The following DNAH14 variants were observed in gnomAD, a reference collection of about 807,000 sequenced individuals.
DNAH14 encodes axonemal beta dynein heavy chain 14.
In DNAH14, 478 loss-of-function variants were observed where a neutral mutation model predicts 520.9. The observed-to-expected ratio is 0.92, with a 90% CI of 0.85 to 0.99. DNAH14 has a LOEUF of 0.99. Among genes scored for constraint, DNAH14 ranks in the 50% least tolerant of loss-of-function variants. DNAH14 has a pLI of 0.00. For synonymous variants in DNAH14, 1,581 were observed against 1,757.2 expected (o/e 0.90, Z 2.51); for missense variants, 4,831 against 5,234.5 (o/e 0.92, Z 2.38).
intron 23 of DNAH14, among the ~76,000 whole-genome samples, chr1:225,104,871 A>G (rs370819122): frequency 2.0e-5 from 3 of 151,588 alleles, no homozygotes; most frequent in East Asian, 1.9e-4. Flanking sequence ...AGGGTTTTTT[A>G]TGTCTCTATG....
intron 44 of DNAH14, among the ~76,000 whole-genome samples, chr1:225,253,670 C>A (rs539194255): frequency 6.6e-6 from 1 of 152,048 alleles, no homozygotes; most frequent in Non-Finnish European, 1.5e-5. Flanking sequence ...TCATTAATTT[C>A]TTTATTCATC....
At chr1:225,189,448 G>A (rs1474754681) in intron 37 of DNAH14, among the ~76,000 whole-genome samples, 1 of 149,704 alleles carries the variant, frequency 6.7e-6, no homozygotes, top group African/African-American at 2.4e-5. Context: ...AGTAGGATTG[G>A]TGTTAATTCT....
intron 10 of DNAH14, among the ~76,000 whole-genome samples, chr1:225,018,635 C>A (rs2065407070): frequency 1.3e-5 from 2 of 152,144 alleles, no homozygotes; most frequent in Admixed American, 6.6e-5. Flanking sequence ...AAGAAAAAAT[C>A]TTAAAGGGAG....
intron 61 of DNAH14, among the ~76,000 whole-genome samples, chr1:225,319,509 A>G (rs1372441057): frequency 6.6e-6 from 1 of 152,204 alleles, no homozygotes; most frequent in African/African-American, 2.4e-5. Flanking sequence ...AGCTTTTGTG[A>G]TAAGAAGAAT....
Position 225,144,757 on chromosome 1 carries a change from TCA to T in DNAH14, c.4740+132_4740+133del, listed in dbSNP as rs553426730. 237 of 713,846 alleles carry T rather than the reference TCA, an allele frequency of 3.3e-4. No individual in the cohort carries two copies. The African/African-American group carries it at 3.8e-3, about 12-fold the overall frequency. 44.2% of individuals were successfully genotyped at this position (713,846 alleles called of 1,614,324 possible). ...TGCATTAACAAGCACATTCATTAAC[TCA>T]CATATAATTAATTCATCAATGATGT... is the stretch of plus-strand genomic sequence containing the variant. On this transcript the variant is annotated intron_variant, in intron 29 of 85. Transcript: ENST00000682510.
At chr1:225,356,972 A>G (rs2095436175) in intron 73 of DNAH14, among the ~76,000 whole-genome samples, 1 of 152,170 alleles carries the variant, frequency 6.6e-6, no homozygotes. Flanking sequence ...TTGAGTGTAC[A>G]TATAGGAAAA....
chr1:225,185,744 ACTTCT>A (rs1038087303), intron 37 of DNAH14, among the ~76,000 whole-genome samples: 4 of 151,682 alleles, frequency 2.6e-5, no homozygotes, highest in Admixed American at 1.3e-4. Flanking sequence ...TATTTATATA[ACTTCT>A]CTTCTTAATG....
At chr1:225,175,809 G>A (rs1486244512) in intron 36 of DNAH14, among the ~76,000 whole-genome samples, 3 of 150,628 alleles carry the variant, frequency 2.0e-5, no homozygotes, top group South Asian at 4.2e-4. Flanking sequence ...AGTCTCACAG[G>A]ACCTGATGGT....
Position 225,192,679 on chromosome 1 carries a change from C to G in DNAH14, c.5671-17C>G, listed in dbSNP as rs1559243391. The G allele has an allele frequency of 6.6e-7, 1 of 1,516,654 alleles. No individual in the cohort carries two copies. The highest frequency in any genetic ancestry group is 2.5e-5 in the East Asian group (1 of 40,498). The allele number at this position is 1,516,654 out of a possible 1,614,324, so 93.9% of individuals were successfully genotyped here. A position where few individuals can be genotyped will look rare whatever the true frequency, so the allele number is the denominator to read the frequency against. On this transcript the variant is annotated splice_polypyrimidine_tract_variant and intron_variant, in intron 37 of 85. Coordinates refer to ENST00000682510, the MANE Select transcript of DNAH14 (RefSeq NM_001367479.1). ...CTATAGTTAATGTCTTTAAAAACTA[C>G]ACTGGATTTTTCCCAGATTTCAGAA...
intron 13 of DNAH14, 140 bp downstream of exon 13, chr1:225,043,254 A>G (rs1032844515): frequency 1.7e-5 from 5 of 294,918 alleles, no homozygotes; most frequent in South Asian, 5.0e-5. Flanking sequence ...ACACAGTGAG[A>G]CCTTGTCTCT....
At chr1:225,352,425 A>G (rs2095378068) in intron 72 of DNAH14, among the ~76,000 whole-genome samples, 1 of 152,182 alleles carries the variant, frequency 6.6e-6, no homozygotes, top group African/African-American at 2.4e-5. Context: ...CAATTATATT[A>G]TGCAATAACA....
intron 8 of DNAH14, among the ~76,000 whole-genome samples, chr1:224,993,968 G>A (rs2125778178): frequency 6.6e-6 from 1 of 151,904 alleles, no homozygotes; most frequent in South Asian, 2.1e-4. Context: ...GTTGTTTTGT[G>A]TCTATGTATT....
rs753909602 is a variant in DNAH14 at position 225,340,475 on chromosome 1, A to C, written c.10452A>C (p.Glu3484Asp). The change falls in exon 69 of 86, where the codon GAA (glutamate) becomes GAC (aspartate). Residue 3484 changes from glutamate (E) to aspartate (D), a missense_variant. Transcript: ENST00000682510. ...NSNFRLYLST[E>D]IDNPHFLPSV... The stretch of plus-strand genomic sequence containing the variant: ...TGTTCAGGTTATACTTATCTACAGA[A>C]ATAGACAACCCCCATTTTCTTCCAT... 6.4e-6 allele frequency: 10 copies of C among 1,550,874 alleles called. No homozygotes were observed. The highest frequency in any genetic ancestry group is 1.4e-5 in the African/African-American group (1 of 73,142).
At position 225,340,712 on chromosome 1, in the gene DNAH14, A is replaced by T. The variant is rs1558459033; in HGVS notation, c.10678+11A>T. The stretch of plus-strand genomic sequence containing the variant: ...TGCAGAAAGCACTAGGTAAGTCAAG[A>T]TATTTAGTGATAGTAAGAGATCTTT... On this transcript the variant is annotated intron_variant, in intron 69 of 85. Transcript: ENST00000682510. 6.5e-7 allele frequency: 1 copy of T among 1,548,680 alleles called. No individual in the cohort carries two copies. Among genetic ancestry groups the T allele is most frequent in the East Asian group, 2.5e-5 (1 of 40,796 alleles).
rs545145467 is a variant in DNAH14, at chr1:225,183,047, C to T, written c.5536-2244C>T. On this transcript the variant is annotated intron_variant, in intron 36 of 85. Coordinates refer to ENST00000682510, the MANE Select transcript of DNAH14 (RefSeq NM_001367479.1). ...ACTCTTTTCCCAGCTCCAGGCAGTGCGGTGTGAAGAGACTCCTTCCACTTA... is the reference window on the plus strand; with the variant it reads ...ACTCTTTTCCCAGCTCCAGGCAGTGTGGTGTGAAGAGACTCCTTCCACTTA... Among the ~76,000 whole-genome samples the T allele has an allele frequency of 2.4e-4, 35 of 147,498 alleles. No homozygotes were observed. In the South Asian group the frequency reaches 5.6e-3, roughly 24 times the overall value.
intron 8 of DNAH14, among the ~76,000 whole-genome samples, chr1:224,981,209 A>G (rs1417991989): frequency 6.6e-6 from 1 of 152,184 alleles, no homozygotes; most frequent in Non-Finnish European, 1.5e-5. Context: ...TAAAGATTCT[A>G]GCATCTCTGT....
intron 8 of DNAH14, among the ~76,000 whole-genome samples, chr1:224,982,516 T>G (rs938777336): frequency 1.3e-5 from 2 of 152,188 alleles, no homozygotes; most frequent in Admixed American, 6.5e-5. Flanking sequence ...GTTTCTCTAG[T>G]TCCTTGAGGC....
At chr1:224,935,299 A>G (rs60619295) in intron 1 of DNAH14, among the ~76,000 whole-genome samples, 7,278 of 152,008 alleles carry the variant, frequency 0.048, 507 homozygotes, top group African/African-American at 0.15. Flanking sequence ...GAATAGCTGA[A>G]TGGATTTTAA....
In DNAH14 at chr1:225,106,729, A is replaced by G. The variant is rs561889612; in HGVS notation, c.3867+5845A>G. 1.6e-4 allele frequency among the ~76,000 whole-genome samples: 24 copies of G among 152,252 alleles called. No homozygotes were observed. In the East Asian group the frequency reaches 4.4e-3, roughly 28 times the overall value. On this transcript the variant is annotated intron_variant, in intron 23 of 85. Coordinates refer to ENST00000682510, the MANE Select transcript of DNAH14 (RefSeq NM_001367479.1). ...TTCTTGTGCCTTGGTTTTCAGCTCC[A>G]TCAGGTCCTTTAAGGACTTCTCTGC...
Sources: gnomAD v4.1 joint callset for allele counts (sites outside exome capture counted in the v4.1 genomes callset) on GRCh38, gnomAD v4.1.1 for gene constraint, MANE v1.5 for transcripts, NCBI Gene and HGNC (gene_info 2026-07-23, HGNC 2026-07-21) for gene names.